The following AKR1C1 variants were observed in gnomAD, a reference collection of about 807,000 sequenced individuals.
AKR1C1 encodes aldo-keto reductase family 1 member C1.
In AKR1C1, 32 loss-of-function variants were observed where a neutral mutation model predicts 40.6. The ratio of observed to expected loss-of-function variants is 0.79; its 90% confidence interval spans 0.60 to 1.06. The LOEUF is 1.06. Among genes scored for constraint, AKR1C1 ranks in the 50% least tolerant of loss-of-function variants. The pLI is 0.00. For synonymous variants in AKR1C1, 105 were observed against 134.2 expected, an observed-to-expected ratio of 0.78 and a Z score of 1.50; for missense variants, 320 against 363.5, an observed-to-expected ratio of 0.88 and a Z score of 0.97.
chr10:4,971,961 T>A lies in AKR1C1; in HGVS notation c.571-240T>A, dbSNP rs542106307. Among the ~76,000 whole-genome samples the A allele has an allele frequency of 2.0e-5, 3 of 149,164 alleles. No individual in the cohort carries two copies. In the East Asian group the frequency reaches 5.8e-4, roughly 29 times the overall value. ...AATTGGCCGTGTCTCGTTCTAGTGG[T>A]CGGAGTTATTGAGAAACCAGGATAG... On this transcript the variant is annotated intron_variant, in intron 5 of 8. Coordinates refer to ENST00000380872, the MANE Select transcript of AKR1C1 (RefSeq NM_001353.6).
At chr10:4,972,171 C>G in intron 5 of AKR1C1, 30 bp from the exon 6 acceptor site, 2 of 1,613,248 alleles carry the variant, frequency 1.2e-6, no homozygotes, top group South Asian at 1.1e-5. Flanking sequence ...TTTGGATTAT[C>G]TGATGCTTTT....
chr10:4,972,801 G>C (rs541809177), intron 7 of AKR1C1, 52 bp downstream of exon 7: 1 of 1,583,804 alleles, frequency 6.3e-7, no homozygotes, highest in African/African-American at 1.3e-5. Flanking sequence ...TCCTTCACAC[G>C]TGTGCTTCTT....
intron 2 of AKR1C1, among the ~76,000 whole-genome samples, chr10:4,966,604 A>T (rs1393899128): frequency 2.0e-5 from 3 of 152,250 alleles, no homozygotes; most frequent in Non-Finnish European, 4.4e-5. Flanking sequence ...GGCTGAATAG[A>T]TGAAATAATT....
intron 8 of AKR1C1, among the ~76,000 whole-genome samples, chr10:4,976,807 T>C (rs1286973495): frequency 6.6e-6 from 1 of 152,144 alleles, no homozygotes; most frequent in Non-Finnish European, 1.5e-5. Context: ...ACAAGCACAA[T>C]GGTACATCAT....
rs1836552736 is a variant in AKR1C1 at position 4,977,925 on chromosome 10, T to C, written c.*183T>C. 1 of 860,164 alleles carries C rather than the reference T, an allele frequency of 1.2e-6. No individual in the cohort carries two copies. Among genetic ancestry groups the C allele is most frequent in the African/African-American group, 1.8e-5 (1 of 56,000 alleles). 53.3% of individuals were successfully genotyped at this position (860,164 alleles called of 1,614,324 possible). ...AAAGACAATAATTTTGTTTTTTCATTTTGAAAAAATTAAATGCTCTCTCCT... is the reference window on the plus strand; with the variant it reads ...AAAGACAATAATTTTGTTTTTTCATCTTGAAAAAATTAAATGCTCTCTCCT... On this transcript the variant is annotated 3_prime_UTR_variant, in exon 9 of 9. Transcript: ENST00000380872.
rs1836553107 is a variant in AKR1C1 at position 4,977,948 on chromosome 10, C to T, written c.*206C>T. The T allele has an allele frequency of 3.0e-6, 2 of 670,346 alleles. No homozygotes were observed. The highest frequency in any genetic ancestry group is 4.9e-6 in the Non-Finnish European group (2 of 406,900). 41.5% of individuals were successfully genotyped at this position (670,346 alleles called of 1,614,324 possible). A position where few individuals can be genotyped will look rare whatever the true frequency, so the allele number is the denominator to read the frequency against. ...ATTTTGAAAAAATTAAATGCTCTCTCCTAAAGATTCTTCACCTACTTTGGT... is the reference window on the plus strand; with the variant it reads ...ATTTTGAAAAAATTAAATGCTCTCTTCTAAAGATTCTTCACCTACTTTGGT... On this transcript the variant is annotated 3_prime_UTR_variant, in exon 9 of 9. Transcript: ENST00000380872.
intron 1 of AKR1C1, chr10:4,963,970 T>G: frequency 1.3e-6 from 1 of 745,610 alleles, no homozygotes; most frequent in East Asian, 2.4e-5. Flanking sequence ...CACCACACTG[T>G]AATACTAGAC....
At chr10:4,963,662 C>A in intron 1 of AKR1C1, 134 bp downstream of exon 1, 2 of 852,528 alleles carry the variant, frequency 2.3e-6, no homozygotes, top group Non-Finnish European at 3.8e-6. Flanking sequence ...TCTGCAATGC[C>A]ATCTTGTCAC....
chr10:4,967,440 C>G, intron 3 of AKR1C1: 1 of 1,001,440 alleles, frequency 1.0e-6, no homozygotes, highest in Non-Finnish European at 1.2e-6. Context: ...CTTCTTGCCT[C>G]TTTTTAAGGG....
At position 4,982,908 on chromosome 10, in the gene AKR1C1, G is replaced by A. The variant is rs1836642191; in HGVS notation, c.*5166G>A. The A allele has an allele frequency of 6.7e-6, 3 of 445,726 alleles. No individual in the cohort carries two copies. 27.6% of individuals were successfully genotyped at this position (445,726 alleles called of 1,614,324 possible). On this transcript the variant is annotated 3_prime_UTR_variant, in exon 9 of 9. Transcript: ENST00000380872. The stretch of plus-strand genomic sequence containing the variant: ...CTGACCAGTCAGAGGTCTTGAGTCG[G>A]TCCGCATGACAAGTTCACCGCTCGC...
At chr10:4,976,887 C>T (rs187081338) in intron 8 of AKR1C1, among the ~76,000 whole-genome samples, 1,795 of 151,950 alleles carry the variant, frequency 0.012, 14 homozygotes, top group Non-Finnish European at 0.019. Flanking sequence ...AAAATGAAAA[C>T]GGAGATGATA....
chr10:4,982,639 A>G lies in AKR1C1; in HGVS notation c.*4897A>G. On this transcript the variant is annotated 3_prime_UTR_variant, in exon 9 of 9. Coordinates refer to ENST00000380872, the MANE Select transcript of AKR1C1 (RefSeq NM_001353.6). Reference sequence around the variant, plus strand: ...TCCTGGTAGCTTAACACAAAGATACACTTTTAGGAGCTTCATAGCCCCTCT... The same window carrying G: ...TCCTGGTAGCTTAACACAAAGATACGCTTTTAGGAGCTTCATAGCCCCTCT... 1 of 239,624 alleles carries G rather than the reference A, an allele frequency of 4.2e-6. No homozygotes were observed. 14.8% of individuals were successfully genotyped at this position (239,624 alleles called of 1,614,324 possible).
At chr10:4,970,983 G>T (rs1783903503) in intron 5 of AKR1C1, among the ~76,000 whole-genome samples, 1 of 151,854 alleles carries the variant, frequency 6.6e-6, no homozygotes, top group South Asian at 2.1e-4. Flanking sequence ...ACTTGGTTAA[G>T]CTAACAGTGG....
At chr10:4,977,637 G>T (rs1836546446) in intron 8 of AKR1C1, 63 bp from the exon 9 acceptor site, 4 of 1,609,384 alleles carry the variant, frequency 2.5e-6, no homozygotes, top group Admixed American at 3.4e-5. Flanking sequence ...AGAAATCACT[G>T]CACTACCCGC....
rs1340604133 is a variant in AKR1C1 at position 4,978,265 on chromosome 10, T to G, written c.*523T>G. The G allele has an allele frequency of 2.7e-5, 4 of 149,080 alleles. No individual in the cohort carries two copies. Among genetic ancestry groups the G allele is most frequent in the African/African-American group, 1.0e-4 (4 of 39,758 alleles). 9.2% of individuals were successfully genotyped at this position (149,080 alleles called of 1,614,324 possible). ...CTCCAGCAGTGCGAGGGTCAGAGTT[T>G]CTGGAGCCTTGGGAGGAGGCATCCC... On this transcript the variant is annotated 3_prime_UTR_variant, in exon 9 of 9. Transcript: ENST00000380872.
At chr10:4,970,324 A>C (rs566588519) in intron 5 of AKR1C1, among the ~76,000 whole-genome samples, 1 of 152,082 alleles carries the variant, frequency 6.6e-6, no homozygotes, top group South Asian at 2.1e-4. Flanking sequence ...TTCTTTTTTT[A>C]ACCAGAATTC....
rs535931014 is a variant in AKR1C1, at chr10:4,963,453, G to A, written c.9G>A (p.Ser3=). 55 of 1,614,038 alleles carry A rather than the reference G, an allele frequency of 3.4e-5. No homozygotes were observed. The South Asian group carries it at 4.6e-4, about 14-fold the overall frequency. The change falls in exon 1 of 9, where the codon TCG becomes TCA. Residue 3 remains serine (S), a synonymous_variant. Transcript: ENST00000380872. ...CCAGGCTAGTGACAGAAATGGATTC[G>A]AAATATCAGTGTGTGAAGCTGAATG... is the stretch of plus-strand genomic sequence containing the variant. The part of the protein sequence containing the change: MD[S]KYQCVKLNDG...
Position 4,981,164 on chromosome 10 carries a change from T to C in AKR1C1, c.*3422T>C, listed in dbSNP as rs1836608787. ...TTAACAGTGGGCTTAAAATATTCAG[T>C]AAACCATTATTTAAGGAGATGTGGC... is the stretch of plus-strand genomic sequence containing the variant. On this transcript the variant is annotated 3_prime_UTR_variant, in exon 9 of 9. Transcript: ENST00000380872. The C allele has an allele frequency of 6.6e-6, 1 of 152,168 alleles. No individual in the cohort carries two copies. Among genetic ancestry groups the C allele is most frequent in the African/African-American group, 2.4e-5 (1 of 41,452 alleles). 9.4% of individuals were successfully genotyped at this position (152,168 alleles called of 1,614,324 possible). A position where few individuals can be genotyped will look rare whatever the true frequency, so the allele number is the denominator to read the frequency against.
intron 1 of AKR1C1, 145 bp downstream of exon 1, chr10:4,963,673 A>T: frequency 1.3e-6 from 1 of 782,614 alleles, no homozygotes; most frequent in Non-Finnish European, 2.2e-6. Flanking sequence ...ATCTTGTCAC[A>T]GGGTCATCTA....
Sources: gnomAD v4.1 joint callset for allele counts (sites outside exome capture counted in the v4.1 genomes callset) on GRCh38, gnomAD v4.1.1 for gene constraint, MANE v1.5 for transcripts, NCBI Gene and HGNC (gene_info 2026-07-23, HGNC 2026-07-21) for gene names.